The following MAPK10 variants were observed in gnomAD, a reference collection of about 807,000 sequenced individuals.
The protein encoded by MAPK10 is JNK3 alpha protein kinase.
A neutral mutation model predicts 59.3 loss-of-function variants in MAPK10; 25 were observed. The ratio of observed to expected loss-of-function variants is 0.42; its 90% CI spans 0.31 to 0.59. The LOEUF (loss-of-function observed/expected upper bound fraction) is 0.59. MAPK10 is among the 20% of genes least tolerant of loss of function. The pLI is 0.15. For missense variants in MAPK10, 351 were observed against 568.9 expected (o/e 0.62, Z 3.90); for synonymous variants, 190 against 200.5 (o/e 0.95, Z 0.44).
chr4:86,414,173 C>A (rs1290574344), intron 1 of MAPK10, among the ~76,000 whole-genome samples: 1 of 152,008 alleles, frequency 6.6e-6, no homozygotes, highest in East Asian at 1.9e-4. Context: ...AACCATTCTA[C>A]CCCTCATCCA....
intron 1 of MAPK10, among the ~76,000 whole-genome samples, chr4:86,379,426 C>T (rs1456356583): frequency 6.6e-6 from 1 of 152,052 alleles, no homozygotes; most frequent in Admixed American, 6.6e-5. Flanking sequence ...GGGAATAGGC[C>T]CCCAAAATCT....
chr4:86,101,027 T>C, intron 8 of MAPK10, 25 bp downstream of exon 8: 1 of 1,608,712 alleles, frequency 6.2e-7, no homozygotes, highest in Non-Finnish European at 8.5e-7. Flanking sequence ...ATGGTTTTGA[T>C]GCTGCTCTCC....
At chr4:86,286,200 C>T (rs902417078) in intron 2 of MAPK10, among the ~76,000 whole-genome samples, 18 of 152,162 alleles carry the variant, frequency 1.2e-4, no homozygotes, top group Non-Finnish European at 2.4e-4. Flanking sequence ...AAACTATTTG[C>T]AATCCTTGGC....
chr4:86,474,265 A>C (rs1046382656), intron 1 of MAPK10, among the ~76,000 whole-genome samples: 1 of 152,204 alleles, frequency 6.6e-6, no homozygotes, highest in Non-Finnish European at 1.5e-5. Flanking sequence ...TTAATATGGA[A>C]AGTTCTAAAA....
At chr4:86,409,528 C>A (rs1744848258) in intron 1 of MAPK10, among the ~76,000 whole-genome samples, 1 of 152,162 alleles carries the variant, frequency 6.6e-6, no homozygotes, top group African/African-American at 2.4e-5. Context: ...TCTTCCTATC[C>A]ATGAGCATGG....
intron 11 of MAPK10, among the ~76,000 whole-genome samples, chr4:86,039,597 A>T (rs2041076568): frequency 6.6e-6 from 1 of 152,154 alleles, no homozygotes; most frequent in South Asian, 2.1e-4. Context: ...CTACCTTAGC[A>T]GCCCAGCCTC....
intron 11 of MAPK10, chr4:86,032,021 T>C (rs1578835443): frequency 6.6e-6 from 1 of 152,260 alleles, no homozygotes; most frequent in Non-Finnish European, 1.5e-5. Context: ...TTTAAGCTTT[T>C]TGGTTTGTTT....
At chr4:86,501,092 G>T (rs1755272670) in intron 1 of MAPK10, among the ~76,000 whole-genome samples, 1 of 117,832 alleles carries the variant, frequency 8.5e-6, no homozygotes, top group African/African-American at 3.3e-5. Context: ...CATTTGCAAT[G>T]ATGTGAAACT....
chr4:86,522,003 G>T lies in MAPK10; in HGVS notation c.-263+71907C>A, dbSNP rs189028064. ...AATGGCTTCCCTGGGTTGAGCTGGGGACTGGGAGTGCCTACAGGGCTCTTC... is the reference window on the plus strand; with the variant it reads ...AATGGCTTCCCTGGGTTGAGCTGGGTACTGGGAGTGCCTACAGGGCTCTTC... On this transcript the variant is annotated intron_variant, in intron 1 of 4. Transcript: ENST00000502302. Among the ~76,000 whole-genome samples, 101 of 152,300 alleles carry T rather than the reference G, an allele frequency of 6.6e-4. 1 individual carries two copies. Among genetic ancestry groups the T allele is most frequent in the African/African-American group, 2.3e-3 (97 of 41,558 alleles).
chr4:86,120,433 C>T (rs1473999592), intron 4 of MAPK10: 7 of 152,180 alleles, frequency 4.6e-5, no homozygotes, highest in African/African-American at 1.7e-4. Context: ...GATTATTCAC[C>T]TTAATCAAAA....
chr4:86,568,086 A>T (rs77629067), intron 1 of MAPK10, among the ~76,000 whole-genome samples: 7,121 of 152,298 alleles, frequency 0.047, 218 homozygotes, highest in African/African-American at 0.059. Context: ...TTAACAAATG[A>T]CTTCAGCAAA....
At chr4:86,199,496 A>G (rs2082140741) in intron 2 of MAPK10, among the ~76,000 whole-genome samples, 3 of 152,034 alleles carry the variant, frequency 2.0e-5, no homozygotes, top group South Asian at 4.1e-4. Context: ...TTGCTTTAGT[A>G]TGATAAAACT....
chr4:86,242,104 C>G (rs978662184), intron 2 of MAPK10, among the ~76,000 whole-genome samples: 1 of 151,910 alleles, frequency 6.6e-6, no homozygotes, highest in Non-Finnish European at 1.5e-5. Context: ...TAATCAGGTC[C>G]CTCTTCTATA....
chr4:86,541,958 CA>C (rs2149095489), intron 1 of MAPK10, among the ~76,000 whole-genome samples: 1 of 130,196 alleles, frequency 7.7e-6, no homozygotes, highest in East Asian at 2.0e-4. Flanking sequence ...CACACACACA[CA>C]CACACACACA....
chr4:86,421,912 C>G (rs1746592087), intron 1 of MAPK10, among the ~76,000 whole-genome samples: 1 of 152,138 alleles, frequency 6.6e-6, no homozygotes, highest in African/African-American at 2.4e-5. Context: ...TCAGGTGCCA[C>G]CACTGTCACC....
At chr4:86,135,236 CACAG>C (rs1283966720) in intron 4 of MAPK10, among the ~76,000 whole-genome samples, 1 of 152,210 alleles carries the variant, frequency 6.6e-6, no homozygotes, top group African/African-American at 2.4e-5. Flanking sequence ...GGGGGCAGGG[CACAG>C]ACAAACAAAA....
At chr4:86,477,239 A>G (rs998416471) in intron 1 of MAPK10, among the ~76,000 whole-genome samples, 14 of 152,162 alleles carry the variant, frequency 9.2e-5, no homozygotes, top group African/African-American at 3.4e-4. Flanking sequence ...GGGTATTGAC[A>G]GCCAGGCTTC....
chr4:86,402,023 A>T (rs1743793937), intron 1 of MAPK10, among the ~76,000 whole-genome samples: 1 of 152,174 alleles, frequency 6.6e-6, no homozygotes, highest in African/African-American at 2.4e-5. Context: ...CCCCAGCCAT[A>T]GTAATTACTT....
At chr4:86,555,080 A>G (rs1760151506) in intron 1 of MAPK10, among the ~76,000 whole-genome samples, 1 of 152,218 alleles carries the variant, frequency 6.6e-6, no homozygotes, top group Non-Finnish European at 1.5e-5. Context: ...CCTAGACTGG[A>G]CAATAGTGCT....
Sources: gnomAD v4.1 joint callset for allele counts (sites outside exome capture counted in the v4.1 genomes callset) on GRCh38, gnomAD v4.1.1 for gene constraint, MANE v1.5 for transcripts, NCBI Gene and HGNC (gene_info 2026-07-23, HGNC 2026-07-21) for gene names.